AKT3: variants seen among roughly 807,000 people sequenced by gnomAD.
The protein encoded by AKT3 is RAC-gamma serine/threonine-protein kinase.
Under a neutral mutation model 65.3 loss-of-function variants are expected in AKT3, and 15 were observed. The ratio of observed to expected loss-of-function variants is 0.23; its 90% CI spans 0.15 to 0.35. The LOEUF (loss-of-function observed/expected upper bound fraction) is 0.35, where lower values mean the gene tolerates loss of function less well. Ranked by LOEUF, AKT3 falls within the 10% of genes least tolerant of loss-of-function variation. The pLI is 1.00. For missense variants in AKT3, 243 were observed against 576.5 expected (o/e 0.42, Z 5.92); for synonymous variants, 206 against 183.8 (o/e 1.12, Z -0.98).
chr1:243,675,642 G>C (rs1683459932), intron 3 of AKT3, among the ~76,000 whole-genome samples: 1 of 152,168 alleles, frequency 6.6e-6, no homozygotes, highest in Non-Finnish European at 1.5e-5. Flanking sequence ...TAACCAATTA[G>C]CTAAATTCTG....
In AKT3 at chr1:243,768,709, C is replaced by T. The variant is rs1255178071; in HGVS notation, c.47-72993G>A. On this transcript the variant is annotated intron_variant, in intron 2 of 13. Coordinates refer to ENST00000673466, the MANE Select transcript of AKT3 (RefSeq NM_005465.7). ...AATGAGCTGGGTGTAGAGGCATGCG[C>T]CTGTAATCCCACCTACTCAGGAGGC... Among the ~76,000 whole-genome samples the T allele has an allele frequency of 2.0e-5, 3 of 152,010 alleles. No homozygotes were observed. The East Asian group carries it at 5.8e-4, about 29-fold the overall frequency.
In AKT3 at chr1:243,563,162, T is replaced by C. The variant is rs865859169; in HGVS notation, c.948+558A>G. 1.3e-5 allele frequency among the ~76,000 whole-genome samples: 2 copies of C among 152,300 alleles called. 1 individual carries two copies. The highest frequency in any genetic ancestry group is 6.8e-3 in the Middle Eastern group (2 of 294). On this transcript the variant is annotated intron_variant, in intron 10 of 13. Transcript: ENST00000673466. ...ACATCATCCAGAAAAGTACCTGATATACAGCAGATACACAATAAATATTTG... is the reference window on the plus strand; with the variant it reads ...ACATCATCCAGAAAAGTACCTGATACACAGCAGATACACAATAAATATTTG...
rs930532839 is a variant in AKT3, at chr1:243,552,010, C to T, written c.1163+719G>A. On this transcript the variant is annotated intron_variant, in intron 11 of 13. Transcript: ENST00000673466. Reference sequence around the variant, plus strand: ...CAAATGACAAAAAAGCAGTTAGAGGCCGGGTGCGGTGGCTCACGACTGTAA... The same window carrying T: ...CAAATGACAAAAAAGCAGTTAGAGGTCGGGTGCGGTGGCTCACGACTGTAA... 2.0e-5 allele frequency among the ~76,000 whole-genome samples: 3 copies of T among 152,040 alleles called. No individual in the cohort carries two copies. The South Asian group carries it at 6.2e-4, about 32-fold the overall frequency.
chr1:243,810,804 C>A (rs1241835050), intron 2 of AKT3, among the ~76,000 whole-genome samples: 1 of 152,184 alleles, frequency 6.6e-6, no homozygotes, highest in Non-Finnish European at 1.5e-5. Flanking sequence ...CCAAATCCAG[C>A]AGCACATTAA....
chr1:243,765,099 A>T (rs1689732718), intron 2 of AKT3, among the ~76,000 whole-genome samples: 3 of 152,146 alleles, frequency 2.0e-5, no homozygotes, highest in Admixed American at 1.3e-4. Flanking sequence ...TTTAGGGTAA[A>T]GAGAAAAATA....
chr1:243,646,600 C>A (rs565922238), intron 4 of AKT3, among the ~76,000 whole-genome samples: 12 of 152,252 alleles, frequency 7.9e-5, no homozygotes, highest in Middle Eastern at 3.4e-3. Context: ...AGTGATCCAT[C>A]CGCCATGGCC....
chr1:243,591,257 T>C (rs185048081), intron 8 of AKT3, among the ~76,000 whole-genome samples: 1 of 152,264 alleles, frequency 6.6e-6, no homozygotes, highest in African/African-American at 2.4e-5. Flanking sequence ...GCAAAAATAT[T>C]TCATGTTCTC....
intron 2 of AKT3, among the ~76,000 whole-genome samples, chr1:243,813,292 A>G (rs964942636): frequency 1.3e-5 from 2 of 152,296 alleles, no homozygotes; most frequent in South Asian, 2.1e-4. Context: ...GAATCTAACA[A>G]TGAGGAAAAG....
At chr1:243,635,083 T>A (rs1036726505) in intron 6 of AKT3, among the ~76,000 whole-genome samples, 2 of 151,828 alleles carry the variant, frequency 1.3e-5, no homozygotes, top group African/African-American at 4.8e-5. Flanking sequence ...ACAAATAAAG[T>A]CTCAATAAAC....
intron 3 of AKT3, among the ~76,000 whole-genome samples, chr1:243,683,212 T>C (rs1159848510): frequency 6.6e-6 from 1 of 152,166 alleles, no homozygotes; most frequent in Non-Finnish European, 1.5e-5. Context: ...AGTGTTGTTG[T>C]GAAGATAAAA....
At chr1:243,798,027 C>T (rs1298613614) in intron 2 of AKT3, among the ~76,000 whole-genome samples, 8 of 151,146 alleles carry the variant, frequency 5.3e-5, no homozygotes, top group Admixed American at 6.6e-5. Context: ...GGACTACAGG[C>T]GCCCACCACC....
At chr1:243,493,359 GAGCC>G (rs756575207) in intron 13 of AKT3, among the ~76,000 whole-genome samples, 1 of 152,182 alleles carries the variant, frequency 6.6e-6, no homozygotes, top group Non-Finnish European at 1.5e-5. Context: ...AGGAAGGTTG[GAGCC>G]AGCTGGTGAG....
At chr1:243,714,155 CACTT>C (rs1686346620) in intron 2 of AKT3, among the ~76,000 whole-genome samples, 2 of 152,184 alleles carry the variant, frequency 1.3e-5, no homozygotes, top group Non-Finnish European at 2.9e-5. Context: ...CGCTAACAGT[CACTT>C]ACATGCACAC....
intron 8 of AKT3, among the ~76,000 whole-genome samples, chr1:243,607,028 C>T (rs553036436): frequency 6.6e-6 from 1 of 152,374 alleles, no homozygotes; most frequent in East Asian, 1.9e-4. Flanking sequence ...GAACCTCCAC[C>T]TAGATTTCAG....
At chr1:243,848,999 G>A (rs190040923) in intron 1 of AKT3, among the ~76,000 whole-genome samples, 2 of 152,256 alleles carry the variant, frequency 1.3e-5, no homozygotes, top group South Asian at 2.1e-4. Flanking sequence ...AGTAAATACC[G>A]GTATTGGAAA....
At chr1:243,837,175 G>A (rs1694944791) in intron 2 of AKT3, among the ~76,000 whole-genome samples, 1 of 151,816 alleles carries the variant, frequency 6.6e-6, no homozygotes, top group Admixed American at 6.6e-5. Context: ...ATAAAAATAA[G>A]GATAAGGGAA....
At chr1:243,509,037 C>T (rs533718899) in intron 13 of AKT3, among the ~76,000 whole-genome samples, 36 of 152,262 alleles carry the variant, frequency 2.4e-4, no homozygotes, top group Admixed American at 1.4e-3. Flanking sequence ...AAAGTTACTA[C>T]AATGTACAGG....
chr1:243,525,634 G>A (rs1419252407), intron 12 of AKT3, among the ~76,000 whole-genome samples: 3 of 145,612 alleles, frequency 2.1e-5, no homozygotes, highest in Non-Finnish European at 4.5e-5. Context: ...CTATGGGCTT[G>A]GAGCACATTG....
intron 12 of AKT3, among the ~76,000 whole-genome samples, chr1:243,522,371 T>C (rs190947749): frequency 1.1e-4 from 16 of 152,340 alleles, no homozygotes; most frequent in Admixed American, 2.0e-4. Context: ...AGCCTATATA[T>C]GTAAGGCTGG....
Sources: gnomAD v4.1 joint callset for allele counts (sites outside exome capture counted in the v4.1 genomes callset) on GRCh38, gnomAD v4.1.1 for gene constraint, MANE v1.5 for transcripts, NCBI Gene and HGNC (gene_info 2026-07-23, HGNC 2026-07-21) for gene names.